Variants in AFF3 observed in about 807,000 individuals in gnomAD.
AFF3 encodes the protein ALF transcription elongation factor 3.
In AFF3, 32 loss-of-function variants were observed where a neutral mutation model predicts 129.7. That is an observed-to-expected ratio of 0.25 (90% CI 0.19 to 0.33). The LOEUF (loss-of-function observed/expected upper bound fraction) is 0.33. Among genes scored for constraint, AFF3 ranks in the 10% least tolerant of loss-of-function variants. AFF3 has a pLI of 1.00. For synonymous variants in AFF3, 644 were observed against 635.4 expected (o/e 1.01, Z -0.20); for missense variants, 1,373 against 1,592.0 (o/e 0.86, Z 2.34).
At chr2:99,581,082 T>C (rs962339577) in intron 17 of AFF3, among the ~76,000 whole-genome samples, 5 of 152,216 alleles carry the variant, frequency 3.3e-5, no homozygotes, top group Non-Finnish European at 7.3e-5. Flanking sequence ...GTAAGCTTCA[T>C]GGGGGCACAA....
intron 4 of AFF3, among the ~76,000 whole-genome samples, chr2:100,024,646 A>G (rs913186719): frequency 4.6e-5 from 7 of 151,816 alleles, no homozygotes; most frequent in Non-Finnish European, 8.8e-5. Flanking sequence ...TATAAAACAA[A>G]AATAATTGTA....
intron 20 of AFF3, among the ~76,000 whole-genome samples, chr2:99,562,210 A>C (rs934556774): frequency 6.6e-6 from 1 of 152,188 alleles, no homozygotes; most frequent in Admixed American, 6.5e-5. Flanking sequence ...TCTTTTGACA[A>C]ATTTGGCAAG....
At chr2:99,971,007 T>A (rs961319249) in intron 7 of AFF3, among the ~76,000 whole-genome samples, 2 of 152,186 alleles carry the variant, frequency 1.3e-5, no homozygotes, top group Non-Finnish European at 2.9e-5. Flanking sequence ...GTGGTTGGAA[T>A]AATGGAATGG....
chr2:99,997,171 T>C (rs1680921427), intron 7 of AFF3, among the ~76,000 whole-genome samples: 1 of 152,116 alleles, frequency 6.6e-6, no homozygotes, highest in Non-Finnish European at 1.5e-5. Flanking sequence ...CAGATACAGA[T>C]TTCGTTCTCC....
At chr2:99,790,886 C>A (rs1685143775) in intron 8 of AFF3, among the ~76,000 whole-genome samples, 1 of 152,168 alleles carries the variant, frequency 6.6e-6, no homozygotes. Context: ...ACAACCCAAA[C>A]CGAAAACTCG....
chr2:99,872,629 TAAAATA>T (rs1182477662), intron 7 of AFF3, among the ~76,000 whole-genome samples: 4 of 151,474 alleles, frequency 2.6e-5, no homozygotes, highest in African/African-American at 9.7e-5. Flanking sequence ...TAAAATAAAA[TAAAATA>T]AAATAAAATA....
intron 11 of AFF3, among the ~76,000 whole-genome samples, chr2:99,718,844 G>A (rs963963722): frequency 3.6e-4 from 54 of 151,424 alleles, no homozygotes; most frequent in African/African-American, 1.3e-3. Flanking sequence ...TCTGCCTCCC[G>A]GGTTCATGCC....
intron 4 of AFF3, among the ~76,000 whole-genome samples, chr2:100,081,841 T>TA (rs1052165568): frequency 3.3e-5 from 5 of 152,052 alleles, no homozygotes; most frequent in Non-Finnish European, 1.5e-5. Flanking sequence ...GACATGAAAA[T>TA]AAAAAAATCA....
rs946949187 is a variant in AFF3 at position 99,768,489 on chromosome 2, G to A, written c.922-16188C>T. ...CTTCTTTTTTGCAGTTATTATTTTG[G>A]ATTGGTTCATCTTAAAAGTCTTTCT... On this transcript the variant is annotated intron_variant, in intron 8 of 24. Transcript: ENST00000672756. 3.3e-5 allele frequency among the ~76,000 whole-genome samples: 5 copies of A among 152,120 alleles called. No individual in the cohort carries two copies. In the East Asian group the frequency reaches 9.6e-4, roughly 29 times the overall value.
At chr2:100,107,749 T>G (rs2105517056) in intron 2 of AFF3, among the ~76,000 whole-genome samples, 1 of 152,260 alleles carries the variant, frequency 6.6e-6, no homozygotes, top group East Asian at 1.9e-4. Flanking sequence ...CTGCTCAGTC[T>G]GGGGCCCTAC....
chr2:99,917,180 T>A (rs1484133782), intron 7 of AFF3, among the ~76,000 whole-genome samples: 3 of 152,136 alleles, frequency 2.0e-5, no homozygotes, highest in South Asian at 2.1e-4. Context: ...CTGTCTGAGG[T>A]TAGAAACAGA....
intron 11 of AFF3, among the ~76,000 whole-genome samples, chr2:99,699,186 G>A (rs116769428): frequency 0.024 from 3,631 of 152,260 alleles, 131 homozygotes; most frequent in African/African-American, 0.081. Flanking sequence ...AAACCACTGC[G>A]TTTTCCTATG....
At chr2:99,937,462 G>A (rs62147654) in intron 7 of AFF3, among the ~76,000 whole-genome samples, 2,658 of 152,122 alleles carry the variant, frequency 0.017, 33 homozygotes, top group Non-Finnish European at 0.026. Context: ...TGGAGTGAGC[G>A]ATGTCAGCTC....
In AFF3 at chr2:99,655,077, G is replaced by A. The variant is rs531532592; in HGVS notation, c.1144-5411C>T. On this transcript the variant is annotated intron_variant, in intron 12 of 24. Transcript: ENST00000672756. ...CTTACTTGATAGAAACAGAACTTACGCCTGGAGAGGTTTGTAATTCAGTCT... is the reference window on the plus strand; with the variant it reads ...CTTACTTGATAGAAACAGAACTTACACCTGGAGAGGTTTGTAATTCAGTCT... Among the ~76,000 whole-genome samples the A allele has an allele frequency of 3.2e-4, 48 of 152,096 alleles. 1 individual carries two copies. The highest frequency in any genetic ancestry group is 6.6e-4 in the Non-Finnish European group (45 of 68,028).
chr2:99,995,195 T>C (rs572502167), intron 7 of AFF3, among the ~76,000 whole-genome samples: 18 of 152,294 alleles, frequency 1.2e-4, no homozygotes, highest in African/African-American at 4.3e-4. Flanking sequence ...AGAAATTGTC[T>C]TCATAGGTGA....
intron 2 of AFF3, among the ~76,000 whole-genome samples, chr2:100,113,245 A>C (rs1488368527): frequency 2.6e-5 from 4 of 152,228 alleles, no homozygotes; most frequent in African/African-American, 9.6e-5. Context: ...CCAAGCAGTG[A>C]GCTAAGAAAG....
chr2:100,014,427 T>A (rs965053015), intron 4 of AFF3, among the ~76,000 whole-genome samples: 2 of 152,152 alleles, frequency 1.3e-5, no homozygotes, highest in African/African-American at 4.8e-5. Context: ...TCCAAAAGCA[T>A]TTTCTGAATA....
At chr2:99,776,922 G>A (rs79772480) in intron 8 of AFF3, among the ~76,000 whole-genome samples, 1 of 152,128 alleles carries the variant, frequency 6.6e-6, no homozygotes, top group Admixed American at 6.5e-5. Context: ...AAGAGTTTGT[G>A]GGGGGCACTG....
At chr2:99,648,472 A>C (rs1253084404) in intron 13 of AFF3, among the ~76,000 whole-genome samples, 1 of 152,226 alleles carries the variant, frequency 6.6e-6, no homozygotes, top group Non-Finnish European at 1.5e-5. Flanking sequence ...AGCAGTCATC[A>C]GCTTTTGTGA....
Sources: gnomAD v4.1 joint callset for allele counts (sites outside exome capture counted in the v4.1 genomes callset) on GRCh38, gnomAD v4.1.1 for gene constraint, MANE v1.5 for transcripts, NCBI Gene and HGNC (gene_info 2026-07-23, HGNC 2026-07-21) for gene names.